The following CLPB variants were observed in gnomAD, a reference collection of about 807,000 sequenced individuals.
CLPB encodes the protein mitochondrial disaggregase.
CLPB carries 40 observed loss-of-function variants against 78.4 expected under a neutral mutation model. That is an observed-to-expected ratio of 0.51 (90% CI 0.40 to 0.66). CLPB has a LOEUF of 0.66. Among genes scored for constraint, CLPB ranks in the 30% least tolerant of loss-of-function variants. CLPB has a pLI of 0.00. For missense variants in CLPB, 780 were observed against 886.9 expected, an observed-to-expected ratio of 0.88 and a Z score of 1.53; for synonymous variants, 333 against 348.0, an observed-to-expected ratio of 0.96 and a Z score of 0.48.
chr11:72,376,306 T>C (rs1466790160), intron 4 of CLPB, among the ~76,000 whole-genome samples: 2 of 152,144 alleles, frequency 1.3e-5, no homozygotes, highest in African/African-American at 4.8e-5. Flanking sequence ...AGTCAATATA[T>C]ATTGGTTGAA....
chr11:72,413,477 G>T (rs1486725939), intron 2 of CLPB, among the ~76,000 whole-genome samples: 1 of 151,772 alleles, frequency 6.6e-6, no homozygotes, highest in Non-Finnish European at 1.5e-5. Flanking sequence ...AGATACATTG[G>T]TACATGCATC....
intron 15 of CLPB, 69 bp from the exon 16 acceptor site, chr11:72,293,684 TTACTGC>T: frequency 1.3e-6 from 2 of 1,536,922 alleles, no homozygotes; most frequent in Non-Finnish European, 1.8e-6. Flanking sequence ...CCTCCATCAC[TTACTGC>T]TAGGGCAACT....
At chr11:72,405,611 G>A (rs1855685810) in intron 2 of CLPB, among the ~76,000 whole-genome samples, 1 of 152,106 alleles carries the variant, frequency 6.6e-6, no homozygotes, top group Admixed American at 6.5e-5. Context: ...AGTTCTTGCT[G>A]TGGAGCCTTT....
At chr11:72,398,117 C>T (rs551471860) in intron 3 of CLPB, among the ~76,000 whole-genome samples, 4 of 152,336 alleles carry the variant, frequency 2.6e-5, no homozygotes, top group South Asian at 2.1e-4. Flanking sequence ...GGTCAACAGT[C>T]GTCACACTCC....
intron 7 of CLPB, 90 bp from the exon 8 acceptor site, chr11:72,308,694 A>G (rs1296032569): frequency 8.5e-7 from 1 of 1,174,822 alleles, no homozygotes. Flanking sequence ...TAAGTATACA[A>G]TATGTTTTAC....
chr11:72,324,012 G>GT, intron 6 of CLPB, among the ~76,000 whole-genome samples: 1 of 151,990 alleles, frequency 6.6e-6, no homozygotes, highest in Non-Finnish European at 1.5e-5. Context: ...ATGATAAGAT[G>GT]TTAATAGTTG....
chr11:72,379,674 T>C (rs183239391), intron 4 of CLPB, among the ~76,000 whole-genome samples: 1 of 152,274 alleles, frequency 6.6e-6, no homozygotes, highest in Non-Finnish European at 1.5e-5. Flanking sequence ...GATGACCTCA[T>C]TTTATGAGGA....
rs1320518404 is a variant in CLPB at position 72,286,232 on chromosome 11, T to G, written c.*7135A>C. ...GTGAGATACTGCACCTGTTTTTTTTTTTTTTTTTTTTTTTAAGAGATAGGG... is the reference window on the plus strand; with the variant it reads ...GTGAGATACTGCACCTGTTTTTTTTGTTTTTTTTTTTTTTAAGAGATAGGG... On this transcript the variant is annotated 3_prime_UTR_variant, in exon 16 of 16. Coordinates refer to ENST00000538039, the MANE Select transcript of CLPB (RefSeq NM_001258392.3). 2.2e-5 allele frequency: 3 copies of G among 134,470 alleles called. No homozygotes were observed. Among genetic ancestry groups the G allele is most frequent in the African/African-American group, 8.7e-5 (3 of 34,638 alleles). The allele number at this position is 134,470 out of a possible 1,614,324, so 8.3% of individuals were successfully genotyped here. A position where few individuals can be genotyped will look rare whatever the true frequency, so the allele number is the denominator to read the frequency against.
intron 5 of CLPB, among the ~76,000 whole-genome samples, chr11:72,337,665 C>T (rs890158342): frequency 1.3e-5 from 2 of 152,128 alleles, no homozygotes; most frequent in Admixed American, 6.5e-5. Context: ...TGATATTTTA[C>T]ATAATAAAAA....
At chr11:72,388,544 C>G (rs1430156109) in intron 3 of CLPB, among the ~76,000 whole-genome samples, 2 of 152,176 alleles carry the variant, frequency 1.3e-5, no homozygotes, top group African/African-American at 2.4e-5. Context: ...AACCACCATA[C>G]CCGGCCCTCC....
Position 72,314,923 on chromosome 11 carries a change from T to C in CLPB, c.988+2183A>G, listed in dbSNP as rs112045936. Among the ~76,000 whole-genome samples the C allele has an allele frequency of 6.8e-3, 1,034 of 152,216 alleles. 6 individuals carry two copies. The highest frequency in any genetic ancestry group is 0.01 in the African/African-American group (435 of 41,528). On this transcript the variant is annotated intron_variant, in intron 7 of 15. Coordinates refer to ENST00000538039, the MANE Select transcript of CLPB (RefSeq NM_001258392.3). ...TGCCAGGTTAGGGCAGCAAGGAACA[T>C]GCAAAGGTTTTAAACAGGAGTGGTA...
At chr11:72,384,015 G>A (rs1052570540) in intron 3 of CLPB, among the ~76,000 whole-genome samples, 4 of 152,290 alleles carry the variant, frequency 2.6e-5, no homozygotes, top group East Asian at 1.9e-4. Context: ...TTAGCCAGGC[G>A]TGGTGTCACA....
chr11:72,357,197 G>C (rs1950734409), intron 5 of CLPB: 1 of 151,874 alleles, frequency 6.6e-6, no homozygotes, highest in Non-Finnish European at 1.5e-5. Context: ...TGGGTTTTAA[G>C]CTAGCATGGC....
At chr11:72,294,741 T>C in intron 12 of CLPB, 48 bp from the exon 13 acceptor site, 1 of 1,514,326 alleles carries the variant, frequency 6.6e-7, no homozygotes, top group South Asian at 1.1e-5. Flanking sequence ...TCAGGGAACT[T>C]TGGGGGCTGT....
chr11:72,294,396 A>G lies in CLPB; in HGVS notation c.1609T>C (p.Tyr537His). The change falls in exon 14 of 16, where the codon TAC becomes CAC. Residue 537 changes from tyrosine (Y) to histidine (H), a missense_variant. Coordinates refer to ENST00000538039, the MANE Select transcript of CLPB (RefSeq NM_001258392.3). ...TCCGAGTGGCAGAAGGGGAGGAAGT[A>G]GACGATCTCATTGATCCGTCCCAGA... ...EFLGRINEIV[Y>H]FLPFCHSELI... The G allele has an allele frequency of 6.2e-7, 1 of 1,614,210 alleles. No homozygotes were observed. Among genetic ancestry groups the G allele is most frequent in the Non-Finnish European group, 8.5e-7 (1 of 1,180,040 alleles).
chr11:72,415,471 A>G (rs1429728867), intron 2 of CLPB, among the ~76,000 whole-genome samples: 3 of 152,126 alleles, frequency 2.0e-5, no homozygotes, highest in East Asian at 1.9e-4. Context: ...GCTTCCTAGA[A>G]CCTTCTCTCT....
rs1949442315 is a variant in CLPB, at chr11:72,290,854, G to GA, written c.*2512dup. The GA allele has an allele frequency of 6.6e-6, 1 of 151,070 alleles. No homozygotes were observed. Among genetic ancestry groups the GA allele is most frequent in the African/African-American group, 2.4e-5 (1 of 40,972 alleles). The allele number at this position is 151,070 out of a possible 1,614,324, so 9.4% of individuals were successfully genotyped here. A position where few individuals can be genotyped will look rare whatever the true frequency, so the allele number is the denominator to read the frequency against. On this transcript the variant is annotated 3_prime_UTR_variant, in exon 16 of 16. Coordinates refer to ENST00000538039, the MANE Select transcript of CLPB (RefSeq NM_001258392.3). ...AGCTACTCAGGAGGCTGAGGCAGGA[G>GA]AATCACTTTGAACCCAGGAGGCAGA...
chr11:72,367,530 T>C (rs965325377), intron 4 of CLPB, among the ~76,000 whole-genome samples: 5 of 152,132 alleles, frequency 3.3e-5, no homozygotes, highest in Non-Finnish European at 5.9e-5. Context: ...TTCTCACTTA[T>C]AAGTGGAAGC....
At chr11:72,361,159 T>C (rs1303104196) in intron 4 of CLPB, among the ~76,000 whole-genome samples, 3 of 152,304 alleles carry the variant, frequency 2.0e-5, no homozygotes, top group Admixed American at 6.5e-5. Context: ...AAAATAAAGT[T>C]GGTGGAGTGT....
Sources: allele counts gnomAD v4.1 joint callset (sites outside exome capture counted in the v4.1 genomes callset), GRCh38; gene constraint gnomAD v4.1.1; transcripts MANE v1.5; gene names NCBI Gene and HGNC (gene_info 2026-07-23, HGNC 2026-07-21).